The following LRFN2 variants were observed in gnomAD, a reference collection of about 807,000 sequenced individuals.
LRFN2 encodes leucine rich repeat and fibronectin type III domain containing 2.
LRFN2 carries 18 observed loss-of-function variants against 37.3 expected under a neutral mutation model. The observed-to-expected ratio is 0.48, with a 90% confidence interval of 0.33 to 0.72. The LOEUF is 0.72. Among genes scored for constraint, LRFN2 ranks in the 30% least tolerant of loss-of-function variants. The pLI is 0.02. For missense variants in LRFN2, 1,006 were observed against 1,060.7 expected (o/e 0.95, Z 0.72); for synonymous variants, 556 against 466.6 (o/e 1.19, Z -2.47).
At chr6:40,526,595 T>C (rs1766258391) in intron 1 of LRFN2, among the ~76,000 whole-genome samples, 1 of 152,122 alleles carries the variant, frequency 6.6e-6, no homozygotes, top group Admixed American at 6.5e-5. Context: ...TGACTCCCAC[T>C]CTCTGTCCAC....
intron 1 of LRFN2, among the ~76,000 whole-genome samples, chr6:40,543,264 C>G (rs762572335): frequency 6.6e-6 from 1 of 152,232 alleles, no homozygotes; most frequent in Non-Finnish European, 1.5e-5. Flanking sequence ...ATTCTGGTTT[C>G]TCTGCTTACA....
intron 2 of LRFN2, among the ~76,000 whole-genome samples, chr6:40,405,016 A>C (rs1379459806): frequency 6.6e-6 from 1 of 152,150 alleles, no homozygotes; most frequent in Non-Finnish European, 1.5e-5. Flanking sequence ...CCACTGGCAA[A>C]GCTGCCTTGC....
At chr6:40,528,599 C>T (rs1003600035) in intron 1 of LRFN2, among the ~76,000 whole-genome samples, 3 of 152,178 alleles carry the variant, frequency 2.0e-5, no homozygotes, top group African/African-American at 7.2e-5. Context: ...AATACAGATG[C>T]TTTTTGACTT....
intron 1 of LRFN2, among the ~76,000 whole-genome samples, chr6:40,459,847 C>T (rs549375607): frequency 1.2e-4 from 19 of 152,268 alleles, no homozygotes; most frequent in African/African-American, 3.6e-4. Context: ...TACATTATTT[C>T]GCCTAATTCT....
At chr6:40,570,207 G>A (rs1481658120) in intron 1 of LRFN2, among the ~76,000 whole-genome samples, 1 of 152,108 alleles carries the variant, frequency 6.6e-6, no homozygotes, top group East Asian at 1.9e-4. Flanking sequence ...ATTCAGCCCA[G>A]GTGTCTCAGC....
At chr6:40,489,989 T>C (rs113766694) in intron 1 of LRFN2, among the ~76,000 whole-genome samples, 3 of 152,292 alleles carry the variant, frequency 2.0e-5, no homozygotes, top group African/African-American at 7.2e-5. Context: ...TCCTTCCCTC[T>C]ATGCCTCTCT....
chr6:40,453,762 G>T (rs1400156225), intron 1 of LRFN2, among the ~76,000 whole-genome samples: 1 of 152,166 alleles, frequency 6.6e-6, no homozygotes, highest in Non-Finnish European at 1.5e-5. Flanking sequence ...CTGAGGGCAT[G>T]TTTTGTGCCC....
intron 1 of LRFN2, among the ~76,000 whole-genome samples, chr6:40,452,627 T>C (rs1420544694): frequency 6.6e-6 from 1 of 152,118 alleles, no homozygotes; most frequent in African/African-American, 2.4e-5. Context: ...TTTCACCAAG[T>C]CCAGAAAAAC....
chr6:40,402,397 C>A (rs1762757964), intron 2 of LRFN2, among the ~76,000 whole-genome samples: 1 of 152,176 alleles, frequency 6.6e-6, no homozygotes, highest in African/African-American at 2.4e-5. Flanking sequence ...TGAGCAGAAT[C>A]AGGATTTAGC....
At chr6:40,414,380 T>A (rs1039265755) in intron 2 of LRFN2, among the ~76,000 whole-genome samples, 1 of 149,550 alleles carries the variant, frequency 6.7e-6, no homozygotes, top group Non-Finnish European at 1.5e-5. Flanking sequence ...ATGCCTCAGT[T>A]CCCCCCTCCT....
chr6:40,443,532 C>T (rs543183981), intron 1 of LRFN2, among the ~76,000 whole-genome samples: 2 of 152,298 alleles, frequency 1.3e-5, no homozygotes, highest in East Asian at 3.9e-4. Flanking sequence ...CAAATGCTTC[C>T]CCCAAGACCA....
intron 1 of LRFN2, among the ~76,000 whole-genome samples, chr6:40,555,831 G>T (rs1291385895): frequency 6.6e-6 from 1 of 151,870 alleles, no homozygotes; most frequent in Non-Finnish European, 1.5e-5. Flanking sequence ...CCCCACCAAT[G>T]GCCACCCATC....
In LRFN2 at chr6:40,436,921, A is replaced by C. The variant is rs562041777; in HGVS notation, c.-18-3790T>G. Among the ~76,000 whole-genome samples the C allele has an allele frequency of 5.3e-5, 8 of 152,260 alleles. No individual in the cohort carries two copies. In the East Asian group the frequency reaches 1.4e-3, roughly 26 times the overall value. On this transcript the variant is annotated intron_variant, in intron 1 of 2. Coordinates refer to ENST00000338305, the MANE Select transcript of LRFN2 (RefSeq NM_020737.3). ...CAAATATAGTTGAGTGGTATTCTCT[A>C]TACCCACGAGAGCACATGAACAGCC... is the stretch of plus-strand genomic sequence containing the variant.
chr6:40,448,100 G>A (rs1465221126), intron 1 of LRFN2, among the ~76,000 whole-genome samples: 6 of 152,206 alleles, frequency 3.9e-5, no homozygotes, highest in African/African-American at 1.4e-4. Flanking sequence ...GAGACCGGGA[G>A]CGTGGGTCCT....
chr6:40,519,737 G>A (rs1765996537), intron 1 of LRFN2, among the ~76,000 whole-genome samples: 1 of 152,252 alleles, frequency 6.6e-6, no homozygotes, highest in African/African-American at 2.4e-5. Flanking sequence ...ACAGGGATAG[G>A]AAAGGTGATG....
At chr6:40,503,089 G>T (rs2487370) in intron 1 of LRFN2, among the ~76,000 whole-genome samples, 49,501 of 152,064 alleles carry the variant, frequency 0.33, 9,259 homozygotes, top group East Asian at 0.5. Flanking sequence ...GCAGAGGGTG[G>T]GTGACAAAGA....
In LRFN2 at chr6:40,461,577, C is replaced by T. The variant is rs567435045; in HGVS notation, c.-18-28446G>A. 2.4e-4 allele frequency among the ~76,000 whole-genome samples: 35 copies of T among 146,844 alleles called. No homozygotes were observed. In the South Asian group the frequency reaches 7.5e-3, roughly 31 times the overall value. Reference sequence around the variant, plus strand: ...GATAGATCAAATCCCCAGCCACCCCCCTCCCCCCGACAAAAAAAAAAAACC... The same window carrying T: ...GATAGATCAAATCCCCAGCCACCCCTCTCCCCCCGACAAAAAAAAAAAACC... On this transcript the variant is annotated intron_variant, in intron 1 of 2. Coordinates refer to ENST00000338305, the MANE Select transcript of LRFN2 (RefSeq NM_020737.3).
At chr6:40,406,472 C>T (rs758657992) in intron 2 of LRFN2, among the ~76,000 whole-genome samples, 2 of 152,218 alleles carry the variant, frequency 1.3e-5, no homozygotes, top group Non-Finnish European at 2.9e-5. Context: ...TGTCTGCTTG[C>T]TCTTCCCAGT....
intron 1 of LRFN2, among the ~76,000 whole-genome samples, chr6:40,577,233 C>A (rs1357241236): frequency 2.6e-5 from 4 of 152,026 alleles, no homozygotes; most frequent in African/African-American, 9.7e-5. Flanking sequence ...TCCCAAGTAG[C>A]CGGGACTACA....
Sources: gnomAD v4.1 joint callset for allele counts (sites outside exome capture counted in the v4.1 genomes callset) on GRCh38, gnomAD v4.1.1 for gene constraint, MANE v1.5 for transcripts, NCBI Gene and HGNC (gene_info 2026-07-23, HGNC 2026-07-21) for gene names.